Variants in CDH13 observed in about 807,000 individuals in gnomAD.
CDH13 encodes the protein cadherin-13.
A neutral mutation model predicts 63.8 loss-of-function variants in CDH13; 24 were observed. That is an observed-to-expected ratio of 0.38 (90% CI 0.27 to 0.53). CDH13 has a LOEUF of 0.53. Among genes scored for constraint, CDH13 ranks in the 20% least tolerant of loss-of-function variants. CDH13 has a pLI of 0.85. For missense variants in CDH13, 1,049 were observed against 903.1 expected (o/e 1.16, Z -2.07); for synonymous variants, 503 against 355.3 (o/e 1.42, Z -4.67).
chr16:83,274,527 G>A (rs944103738), intron 5 of CDH13, among the ~76,000 whole-genome samples: 11 of 152,158 alleles, frequency 7.2e-5, no homozygotes, highest in Non-Finnish European at 1.3e-4. Context: ...TATCTGATTA[G>A]TGTCTTTAGA....
At chr16:83,054,503 A>G (rs979151182) in intron 3 of CDH13, among the ~76,000 whole-genome samples, 1 of 152,230 alleles carries the variant, frequency 6.6e-6, no homozygotes, top group African/African-American at 2.4e-5. Context: ...GGACAAAGCC[A>G]TGATTCATGT....
chr16:83,596,653 A>G (rs961487544), intron 7 of CDH13, among the ~76,000 whole-genome samples: 12 of 152,142 alleles, frequency 7.9e-5, no homozygotes, highest in African/African-American at 2.9e-4. Flanking sequence ...CTAGGAAATT[A>G]GGGGGTGACT....
chr16:82,851,156 C>G (rs941471171), intron 1 of CDH13, among the ~76,000 whole-genome samples: 1 of 152,074 alleles, frequency 6.6e-6, no homozygotes, highest in African/African-American at 2.4e-5. Flanking sequence ...AACAATAGGG[C>G]CAGGTACGGT....
intron 2 of CDH13, among the ~76,000 whole-genome samples, chr16:82,867,369 C>T (rs918214450): frequency 6.6e-6 from 1 of 152,152 alleles, no homozygotes; most frequent in South Asian, 2.1e-4. Context: ...ATAGAGAGAA[C>T]TGCTGCTGCT....
At position 82,853,120 on chromosome 16, in the gene CDH13, A is replaced by G. The variant is rs140531126; in HGVS notation, c.46-5242A>G. ...GGGTAGTGGCTCTTGCATGGAAGAG[A>G]GATCTCTGAGCTGCTACTTTAAAGG... On this transcript the variant is annotated intron_variant, in intron 1 of 13. Transcript: ENST00000567109. Among the ~76,000 whole-genome samples the G allele has an allele frequency of 1.8e-3, 272 of 152,288 alleles. 1 individual carries two copies. Among genetic ancestry groups the G allele is most frequent in the Non-Finnish European group, 2.4e-3 (163 of 68,026 alleles).
chr16:83,272,953 G>A (rs2088870418), intron 5 of CDH13, among the ~76,000 whole-genome samples: 2 of 152,106 alleles, frequency 1.3e-5, no homozygotes, highest in Admixed American at 6.6e-5. Flanking sequence ...TGTTAATATA[G>A]TACAGTGAGC....
chr16:83,593,328 C>T (rs1906938181), intron 7 of CDH13, among the ~76,000 whole-genome samples: 1 of 152,184 alleles, frequency 6.6e-6, no homozygotes. Context: ...TGCCTTCTTA[C>T]AGCCTTCCTT....
chr16:82,970,776 C>T (rs1908624625), intron 2 of CDH13, among the ~76,000 whole-genome samples: 2 of 152,098 alleles, frequency 1.3e-5, no homozygotes, highest in South Asian at 4.1e-4. Context: ...CCAAAGTCCC[C>T]TCTATTATTT....
chr16:82,814,544 G>T (rs1351454324), intron 1 of CDH13, among the ~76,000 whole-genome samples: 2 of 152,162 alleles, frequency 1.3e-5, no homozygotes. Flanking sequence ...AACCCATGGA[G>T]GTTTCTGGAG....
intron 1 of CDH13, among the ~76,000 whole-genome samples, chr16:82,835,534 G>T (rs2038730480): frequency 1.3e-5 from 2 of 152,268 alleles, no homozygotes; most frequent in Middle Eastern, 6.8e-3. Flanking sequence ...TTGATAAAAT[G>T]CTCCTCTTTC....
chr16:83,274,817 C>T (rs1445705422), intron 5 of CDH13, among the ~76,000 whole-genome samples: 1 of 152,124 alleles, frequency 6.6e-6, no homozygotes, highest in Non-Finnish European at 1.5e-5. Flanking sequence ...AATTTGTAAG[C>T]AAAATGTATA....
chr16:82,821,731 A>C (rs72805989), intron 1 of CDH13, among the ~76,000 whole-genome samples: 11,544 of 152,308 alleles, frequency 0.076, 534 homozygotes, highest in Middle Eastern at 0.12. Flanking sequence ...CTGTTTGGGG[A>C]CTGGGGATGG....
At chr16:83,696,887 T>C (rs1373421461) in intron 10 of CDH13, among the ~76,000 whole-genome samples, 1 of 152,160 alleles carries the variant, frequency 6.6e-6, no homozygotes, top group Non-Finnish European at 1.5e-5. Context: ...AGCCCTTCAG[T>C]GCCTCCCATT....
chr16:82,930,050 T>TA (rs1241650822), intron 2 of CDH13, among the ~76,000 whole-genome samples: 1 of 147,768 alleles, frequency 6.8e-6, no homozygotes, highest in Non-Finnish European at 1.5e-5. Context: ...TTTTTTTTTT[T>TA]TTTTTTTTTT....
rs371551401 is a variant in CDH13 at position 82,862,074 on chromosome 16, CTG to C, written c.157+3604_157+3605del. Among the ~76,000 whole-genome samples the C allele has an allele frequency of 8.0e-4, 122 of 152,310 alleles. No individual in the cohort carries two copies. The East Asian group carries it at 0.013, about 16-fold the overall frequency. On this transcript the variant is annotated intron_variant, in intron 2 of 13. Transcript: ENST00000567109. ...AAGGTCTTTGAATTCTGAAAGGAAT[CTG>C]TGAAAAGTTTGTGGGAGGTGTTTTC... is the stretch of plus-strand genomic sequence containing the variant.
intron 7 of CDH13, among the ~76,000 whole-genome samples, chr16:83,525,386 G>C (rs1254339094): frequency 6.6e-6 from 1 of 152,252 alleles, no homozygotes; most frequent in Non-Finnish European, 1.5e-5. Flanking sequence ...TAACTTGCCT[G>C]TGGTCACATG....
At chr16:83,621,161 T>A (rs1266655855) in intron 8 of CDH13, among the ~76,000 whole-genome samples, 1 of 152,176 alleles carries the variant, frequency 6.6e-6, no homozygotes, top group East Asian at 1.9e-4. Flanking sequence ...CTCAACCCTC[T>A]GCTAAGCTGC....
At chr16:82,630,904 G>A (rs974601741) in intron 1 of CDH13, among the ~76,000 whole-genome samples, 4 of 152,114 alleles carry the variant, frequency 2.6e-5, no homozygotes, top group Admixed American at 1.3e-4. Context: ...CCAGAAGAGG[G>A]CTCCATCCAC....
At chr16:83,426,860 A>G (rs2151477949) in intron 6 of CDH13, among the ~76,000 whole-genome samples, 1 of 148,974 alleles carries the variant, frequency 6.7e-6, no homozygotes, top group South Asian at 2.2e-4. Context: ...ATGGCCCCCC[A>G]AATATGACTT....
Sources: gnomAD v4.1 joint callset for allele counts (sites outside exome capture counted in the v4.1 genomes callset) on GRCh38, gnomAD v4.1.1 for gene constraint, MANE v1.5 for transcripts, NCBI Gene and HGNC (gene_info 2026-07-23, HGNC 2026-07-21) for gene names.